The following CNTNAP2 variants were observed in gnomAD, a reference collection of about 807,000 sequenced individuals.
CNTNAP2 encodes contactin-associated protein-like 2.
In CNTNAP2, 98 loss-of-function variants were observed where a neutral mutation model predicts 155.2. The ratio of observed to expected loss-of-function variants is 0.63; its 90% confidence interval spans 0.54 to 0.75. The LOEUF is 0.75. CNTNAP2 is among the 30% of genes least tolerant of loss of function. The probability of loss-of-function intolerance (pLI) is 0.00; values close to 1 mark genes in which losing one functional copy is unlikely to be tolerated. For missense variants in CNTNAP2, 1,727 were observed against 1,688.1 expected, an observed-to-expected ratio of 1.02 and a Z score of -0.40; for synonymous variants, 651 against 631.2, an observed-to-expected ratio of 1.03 and a Z score of -0.47.
intron 8 of CNTNAP2, among the ~76,000 whole-genome samples, chr7:147,135,437 C>G (rs1297072691): frequency 6.6e-6 from 1 of 151,682 alleles, no homozygotes; most frequent in Non-Finnish European, 1.5e-5. Flanking sequence ...AATTTTATCC[C>G]AGTACATCAT....
intron 3 of CNTNAP2, among the ~76,000 whole-genome samples, chr7:146,844,248 G>T (rs568283478): frequency 6.6e-6 from 1 of 151,936 alleles, no homozygotes; most frequent in East Asian, 1.9e-4. Flanking sequence ...CCTAAAGAAT[G>T]GTTTATCTGA....
At chr7:146,754,061 T>A (rs566341865) in intron 1 of CNTNAP2, among the ~76,000 whole-genome samples, 1 of 152,148 alleles carries the variant, frequency 6.6e-6, no homozygotes, top group Non-Finnish European at 1.5e-5. Flanking sequence ...TATAGCAACA[T>A]TGGCTTTCCT....
intron 14 of CNTNAP2, among the ~76,000 whole-genome samples, chr7:147,963,431 A>C (rs545138975): frequency 2.6e-5 from 4 of 152,242 alleles, no homozygotes; most frequent in African/African-American, 9.6e-5. Context: ...AGAGTTTCAT[A>C]GAAGATATAA....
chr7:147,436,762 G>T (rs1320213045), intron 10 of CNTNAP2, among the ~76,000 whole-genome samples: 3 of 152,134 alleles, frequency 2.0e-5, no homozygotes, highest in African/African-American at 7.2e-5. Flanking sequence ...CTATCTTCAT[G>T]ACAGGAGGTA....
chr7:146,543,511 C>T (rs897527047), intron 1 of CNTNAP2, among the ~76,000 whole-genome samples: 2 of 151,874 alleles, frequency 1.3e-5, no homozygotes, highest in Middle Eastern at 3.4e-3. Flanking sequence ...CACACCAGAG[C>T]GGTTGTTAAA....
Position 148,112,235 on chromosome 7 carries a change from G to T in CNTNAP2, c.2384-5883G>T, listed in dbSNP as rs1804368643. Among the ~76,000 whole-genome samples, 3 of 151,938 alleles carry T rather than the reference G, an allele frequency of 2.0e-5. No homozygotes were observed. In the South Asian group the frequency reaches 6.2e-4, roughly 32 times the overall value. ...TAAGCAAATGAAAAAAATAATTATG[G>T]ATTTTAAAGAAACTAAATACAAGAA... On this transcript the variant is annotated intron_variant, in intron 15 of 23. Transcript: ENST00000361727.
chr7:147,277,115 G>A, intron 8 of CNTNAP2, among the ~76,000 whole-genome samples: 1 of 152,024 alleles, frequency 6.6e-6, no homozygotes, highest in East Asian at 1.9e-4. Context: ...ATGACAGCTA[G>A]TATTCCGTTG....
chr7:148,220,091 T>C (rs918642779), intron 19 of CNTNAP2, among the ~76,000 whole-genome samples: 6 of 152,234 alleles, frequency 3.9e-5, no homozygotes, highest in African/African-American at 1.4e-4. Flanking sequence ...ATCATGAAGA[T>C]GTTCATCATA....
intron 13 of CNTNAP2, among the ~76,000 whole-genome samples, chr7:147,817,728 CCT>C (rs1409734662): frequency 6.6e-6 from 1 of 151,642 alleles, no homozygotes; most frequent in Non-Finnish European, 1.5e-5. Flanking sequence ...ATGGTGAAAC[CCT>C]GTCTCCACTA....
At chr7:147,158,485 A>G (rs1801967139) in intron 8 of CNTNAP2, among the ~76,000 whole-genome samples, 3 of 152,086 alleles carry the variant, frequency 2.0e-5, no homozygotes, top group Admixed American at 2.0e-4. Flanking sequence ...GTGAAAAGGA[A>G]CTACTTTTTT....
At chr7:148,073,263 G>T (rs185279272) in intron 15 of CNTNAP2, among the ~76,000 whole-genome samples, 27 of 152,242 alleles carry the variant, frequency 1.8e-4, no homozygotes, top group Non-Finnish European at 3.2e-4. Context: ...ATAGCCATTG[G>T]ATTCTCATGC....
At chr7:148,105,823 G>A (rs756978636) in intron 15 of CNTNAP2, among the ~76,000 whole-genome samples, 3 of 152,136 alleles carry the variant, frequency 2.0e-5, no homozygotes, top group Non-Finnish European at 2.9e-5. Flanking sequence ...CTGACCTCAG[G>A]TGATCCACCC....
intron 1 of CNTNAP2, among the ~76,000 whole-genome samples, chr7:146,505,998 T>A (rs200443144): frequency 6.6e-6 from 1 of 152,152 alleles, no homozygotes; most frequent in South Asian, 2.1e-4. Context: ...ATACCAGTAG[T>A]TTGTGGGTTA....
chr7:146,875,258 G>GA (rs1481453506), intron 3 of CNTNAP2, among the ~76,000 whole-genome samples: 1 of 152,078 alleles, frequency 6.6e-6, no homozygotes, highest in Non-Finnish European at 1.5e-5. Context: ...TAACTGAAGG[G>GA]ATTCAGATAA....
At chr7:147,924,143 C>CTTTTCT (rs1554450278) in intron 14 of CNTNAP2, among the ~76,000 whole-genome samples, 7 of 123,484 alleles carry the variant, frequency 5.7e-5, no homozygotes, top group Admixed American at 8.6e-5. Context: ...CTTTTCTTTT[C>CTTTTCT]TTTTTTTTTT....
At chr7:146,639,611 A>G (rs1376593417) in intron 1 of CNTNAP2, among the ~76,000 whole-genome samples, 15 of 152,210 alleles carry the variant, frequency 9.9e-5, no homozygotes, top group Admixed American at 7.9e-4. Flanking sequence ...GAGCCTTGTG[A>G]TCTCACATTT....
intron 14 of CNTNAP2, among the ~76,000 whole-genome samples, chr7:147,962,181 T>G (rs1170833018): frequency 2.0e-5 from 3 of 152,262 alleles, no homozygotes; most frequent in Non-Finnish European, 4.4e-5. Context: ...AATAAATTTT[T>G]GTTGAATTAA....
In CNTNAP2 at chr7:146,654,654, T is replaced by TAATGTTTA. The variant is rs1432267208; in HGVS notation, c.98-119616_98-119609dup. Among the ~76,000 whole-genome samples, 29 of 152,204 alleles carry TAATGTTTA rather than the reference T, an allele frequency of 1.9e-4. 2 individuals carry two copies. Among genetic ancestry groups the TAATGTTTA allele is most frequent in the Non-Finnish European group, 1.5e-5 (1 of 68,034 alleles). ...CATATAGTGATTTGGTTGCATAATT[T>TAATGTTTA]AATGTTTATGTTGTATTTGTTTAAT... On this transcript the variant is annotated intron_variant, in intron 1 of 23. Coordinates refer to ENST00000361727, the MANE Select transcript of CNTNAP2 (RefSeq NM_014141.6).
intron 1 of CNTNAP2, among the ~76,000 whole-genome samples, chr7:146,770,879 A>G (rs1802282838): frequency 6.6e-6 from 1 of 152,180 alleles, no homozygotes; most frequent in Non-Finnish European, 1.5e-5. Flanking sequence ...ACGCAACCAT[A>G]TCTATCCATT....
Sources: gnomAD v4.1 joint callset for allele counts (sites outside exome capture counted in the v4.1 genomes callset) on GRCh38, gnomAD v4.1.1 for gene constraint, MANE v1.5 for transcripts, NCBI Gene and HGNC (gene_info 2026-07-23, HGNC 2026-07-21) for gene names.